Variants in DACH2 observed in about 807,000 individuals in gnomAD.
DACH2 encodes the protein dachshund family transcription factor 2.
In DACH2, 17 loss-of-function variants were observed where a neutral mutation model predicts 35.8. That is an observed-to-expected ratio of 0.48 (90% CI 0.33 to 0.71). DACH2 has a LOEUF of 0.71. DACH2 is among the 30% of genes least tolerant of loss of function. DACH2 has a pLI of 0.02. For missense variants in DACH2, 469 were observed against 472.7 expected (o/e 0.99, Z 0.07); for synonymous variants, 195 against 177.3 (o/e 1.10, Z -0.79).
intron 2 of DACH2, among the ~76,000 whole-genome samples, chrX:86,440,909 G>T (rs1184422550): frequency 3.6e-5 from 4 of 110,907 alleles, no homozygotes; most frequent in Non-Finnish European, 7.6e-5. Context: ...TTACTCTACT[G>T]TGCAATGGAA....
At chrX:86,247,868 G>C (rs1195412565) in intron 1 of DACH2, among the ~76,000 whole-genome samples, 2 of 111,175 alleles carry the variant, frequency 1.8e-5, no homozygotes, top group Non-Finnish European at 3.8e-5. Context: ...TTATTCCCAG[G>C]ATGCAAGGTT....
chrX:86,418,425 C>G (rs2036746327), intron 2 of DACH2, among the ~76,000 whole-genome samples: 1 of 112,339 alleles, frequency 8.9e-6, no homozygotes, highest in South Asian at 3.7e-4. Flanking sequence ...CATACATCCT[C>G]TGAAATCTAG....
chrX:86,263,071 A>G, intron 1 of DACH2: 1 of 600,337 alleles, frequency 1.7e-6, no homozygotes. Flanking sequence ...AGAAAAAAGC[A>G]TCATAATAAT....
chrX:86,425,238 G>C (rs2036872882), intron 2 of DACH2, among the ~76,000 whole-genome samples: 1 of 110,526 alleles, frequency 9.0e-6, no homozygotes, highest in African/African-American at 3.3e-5. Flanking sequence ...TTTTGGAAAA[G>C]TTTGAATGGT....
intron 3 of DACH2, among the ~76,000 whole-genome samples, chrX:86,595,879 C>A (rs776019971): frequency 9.1e-6 from 1 of 110,136 alleles, no homozygotes; most frequent in Admixed American, 9.8e-5. Flanking sequence ...AAAGTGAAAC[C>A]CCATACTCAT....
chrX:86,259,487 A>G (rs1472997316), intron 1 of DACH2, among the ~76,000 whole-genome samples: 1 of 111,866 alleles, frequency 8.9e-6, no homozygotes, highest in African/African-American at 3.2e-5. Context: ...GCAGAGAAGT[A>G]ATGGTGTCTA....
chrX:86,360,302 C>T (rs954447510), intron 1 of DACH2, among the ~76,000 whole-genome samples: 4 of 110,895 alleles, frequency 3.6e-5, no homozygotes, highest in Non-Finnish European at 7.6e-5. Flanking sequence ...ATCTCTTTCC[C>T]AAGGATTTTC....
intron 6 of DACH2, among the ~76,000 whole-genome samples, chrX:86,718,541 A>C (rs1420813019): frequency 1.8e-5 from 2 of 111,685 alleles, no homozygotes; most frequent in Admixed American, 9.5e-5. Context: ...CTTATTCATA[A>C]ATACTTTGCC....
intron 2 of DACH2, among the ~76,000 whole-genome samples, chrX:86,385,318 A>T (rs1464669536): frequency 1.8e-5 from 2 of 111,656 alleles, no homozygotes; most frequent in Non-Finnish European, 3.8e-5. Context: ...CAGAACATTA[A>T]GTGAAGGGAT....
intron 1 of DACH2, among the ~76,000 whole-genome samples, chrX:86,375,226 C>T (rs751021163): frequency 2.2e-4 from 23 of 106,484 alleles, no homozygotes; most frequent in South Asian, 7.9e-4. Flanking sequence ...AATTCTAACA[C>T]GAATGTTTCT....
intron 7 of DACH2, among the ~76,000 whole-genome samples, chrX:86,746,686 A>G (rs1324548314): frequency 9.0e-6 from 1 of 111,613 alleles, no homozygotes; most frequent in Non-Finnish European, 1.9e-5. Context: ...TTTATCAGGC[A>G]TGTGACTTCT....
intron 1 of DACH2, among the ~76,000 whole-genome samples, chrX:86,197,361 C>A (rs1253188478): frequency 9.0e-6 from 1 of 111,637 alleles, no homozygotes; most frequent in Non-Finnish European, 1.9e-5. Context: ...AACAAGTCTG[C>A]ATAATAATCA....
At chrX:86,793,307 C>G (rs1019504896) in intron 7 of DACH2, among the ~76,000 whole-genome samples, 4 of 110,360 alleles carry the variant, frequency 3.6e-5, no homozygotes, top group Non-Finnish European at 7.6e-5. Flanking sequence ...TAATGGTTTT[C>G]AAATATTTTC....
intron 2 of DACH2, among the ~76,000 whole-genome samples, chrX:86,478,583 A>T: frequency 1.1e-5 from 1 of 90,826 alleles, no homozygotes; most frequent in African/African-American, 4.2e-5. Flanking sequence ...CCATTCACAC[A>T]TCTTGCTACT....
intron 5 of DACH2, among the ~76,000 whole-genome samples, chrX:86,706,635 G>C (rs2041219947): frequency 9.1e-6 from 1 of 110,223 alleles, no homozygotes; most frequent in Non-Finnish European, 1.9e-5. Flanking sequence ...ATAGAAATCA[G>C]ACAAAGTATG....
intron 1 of DACH2, among the ~76,000 whole-genome samples, chrX:86,215,092 C>CT (rs1244808603): frequency 4.5e-5 from 5 of 110,185 alleles, no homozygotes; most frequent in African/African-American, 6.6e-5. Context: ...ATCACATTAA[C>CT]TTTTTTTTTC....
chrX:86,450,734 T>C (rs1330306236), intron 2 of DACH2, among the ~76,000 whole-genome samples: 2 of 110,605 alleles, frequency 1.8e-5, no homozygotes, highest in Admixed American at 9.7e-5. Context: ...CAGAACCTTT[T>C]TTTTTTTCAC....
At chrX:86,553,796 G>A (rs1204139367) in intron 3 of DACH2, among the ~76,000 whole-genome samples, 1 of 111,474 alleles carries the variant, frequency 9.0e-6, no homozygotes, top group East Asian at 2.8e-4. Context: ...CAGGTTACTG[G>A]GATCACCCCC....
chrX:86,436,824 T>C (rs928286195), intron 2 of DACH2, among the ~76,000 whole-genome samples: 8 of 111,953 alleles, frequency 7.1e-5, no homozygotes, highest in Non-Finnish European at 1.3e-4. Flanking sequence ...AAAATAGATA[T>C]AGGCCTTTTC....
Sources: allele counts gnomAD v4.1 joint callset (sites outside exome capture counted in the v4.1 genomes callset), GRCh38; gene constraint gnomAD v4.1.1; transcripts MANE v1.5; gene names NCBI Gene and HGNC (gene_info 2026-07-23, HGNC 2026-07-21).